The following NF2 variants were observed in gnomAD, a reference collection of about 807,000 sequenced individuals.
NF2 encodes merlin.
NF2 carries 8 observed loss-of-function variants against 83.7 expected under a neutral mutation model. That is an observed-to-expected ratio of 0.10 (90% CI 0.06 to 0.17). The LOEUF is 0.17. NF2 is among the 10% of genes least tolerant of loss of function. The probability of loss-of-function intolerance (pLI) is 1.00; values close to 1 mark genes in which losing one functional copy is unlikely to be tolerated. For synonymous variants in NF2, 266 were observed against 269.6 expected, an observed-to-expected ratio of 0.99 and a Z score of 0.13; for missense variants, 533 against 744.4, an observed-to-expected ratio of 0.72 and a Z score of 3.31.
chr22:29,659,426 G>T (rs1393317984), intron 7 of NF2, among the ~76,000 whole-genome samples: 1 of 152,170 alleles, frequency 6.6e-6, no homozygotes, highest in Admixed American at 6.5e-5. Flanking sequence ...TTCCACCCCA[G>T]CCTTCCAAGT....
At chr22:29,681,647 T>C in intron 15 of NF2, 46 bp downstream of exon 15, 1 of 1,610,594 alleles carries the variant, frequency 6.2e-7, no homozygotes, top group South Asian at 1.1e-5. Context: ...GGACCATCAT[T>C]AATGAAATGT....
Position 29,654,641 on chromosome 22 carries a change from C to A in NF2, c.448-16C>A, listed in dbSNP as rs947197160. On this transcript the variant is annotated splice_polypyrimidine_tract_variant and intron_variant, in intron 4 of 15. Coordinates refer to ENST00000338641, the MANE Select transcript of NF2 (RefSeq NM_000268.4). Reference sequence around the variant, plus strand: ...TTTAGAATCTCAATCGCCTGCTCTCCCTTTCTTCTTTCCAGTATGGTGACT... The same window carrying A: ...TTTAGAATCTCAATCGCCTGCTCTCACTTTCTTCTTTCCAGTATGGTGACT... 1 of 1,612,698 alleles carries A rather than the reference C, an allele frequency of 6.2e-7. No homozygotes were observed.
intron 1 of NF2, among the ~76,000 whole-genome samples, chr22:29,631,430 AT>A (rs1328505217): frequency 6.6e-6 from 1 of 152,180 alleles, no homozygotes; most frequent in African/African-American, 2.4e-5. Context: ...ACCAGGTTGC[AT>A]TTTTGTGATC....
chr22:29,682,914 C>A, intron 15 of NF2: 3 of 1,329,154 alleles, frequency 2.3e-6, no homozygotes, highest in African/African-American at 1.4e-5. Flanking sequence ...CAAAATCACT[C>A]ATCACGATTT....
At chr22:29,625,740 T>C (rs1347700822) in intron 1 of NF2, among the ~76,000 whole-genome samples, 1 of 152,266 alleles carries the variant, frequency 6.6e-6, no homozygotes, top group Non-Finnish European at 1.5e-5. Flanking sequence ...CTTGTCCTAG[T>C]GCAGGAATCT....
chr22:29,641,050 T>G (rs761882646), intron 3 of NF2, among the ~76,000 whole-genome samples: 12 of 152,192 alleles, frequency 7.9e-5, no homozygotes, highest in Non-Finnish European at 1.6e-4. Context: ...GGGGAATCAC[T>G]TGAACCCGGG....
intron 1 of NF2, among the ~76,000 whole-genome samples, chr22:29,625,684 A>G (rs2065348497): frequency 6.6e-6 from 1 of 152,244 alleles, no homozygotes; most frequent in South Asian, 2.1e-4. Flanking sequence ...GACTTCAGGG[A>G]AAAATTTTTA....
chr22:29,655,783 C>T (rs1462413406), intron 6 of NF2, 107 bp downstream of exon 6: 1 of 889,950 alleles, frequency 1.1e-6, no homozygotes, highest in East Asian at 2.5e-5. Flanking sequence ...AAATGCAGTA[C>T]TGAAGTCTAT....
At chr22:29,678,607 A>G (rs1359358309) in intron 14 of NF2, among the ~76,000 whole-genome samples, 1 of 152,226 alleles carries the variant, frequency 6.6e-6, no homozygotes, top group Admixed American at 6.5e-5. Context: ...AGCCTCACCT[A>G]AAGTGTAGGA....
intron 15 of NF2, chr22:29,683,184 G>A: frequency 6.2e-7 from 1 of 1,611,052 alleles, no homozygotes; most frequent in African/African-American, 1.3e-5. Flanking sequence ...AGGGCAGGTG[G>A]TGCCTGGGTA....
chr22:29,635,764 A>G lies in NF2; in HGVS notation c.115-987A>G, dbSNP rs146746468. Among the ~76,000 whole-genome samples, 29 of 152,290 alleles carry G rather than the reference A, an allele frequency of 1.9e-4. No homozygotes were observed. The East Asian group carries it at 5.6e-3, about 29-fold the overall frequency. On this transcript the variant is annotated intron_variant, in intron 1 of 15. Transcript: ENST00000338641. ...GGTCTCATTTTTCCCATGTCTGTCG[A>G]AAGATTACTCTTTCATGACCACCAT...
chr22:29,654,771 G>C lies in NF2; in HGVS notation c.516+46G>C, dbSNP rs745823791. On this transcript the variant is annotated intron_variant, in intron 5 of 15. Coordinates refer to ENST00000338641, the MANE Select transcript of NF2 (RefSeq NM_000268.4). The stretch of plus-strand genomic sequence containing the variant: ...TTCAGGAAGACATAGCAGATATGTG[G>C]TCTAAAAGAAAGCTAACCAAAGGAC... The C allele has an allele frequency of 4.1e-6, 6 of 1,448,978 alleles. No homozygotes were observed. The African/African-American group carries it at 5.6e-5, about 13-fold the overall frequency. 89.8% of individuals were successfully genotyped at this position (1,448,978 alleles called of 1,614,324 possible).
At chr22:29,619,774 G>A (rs1460860813) in intron 1 of NF2, among the ~76,000 whole-genome samples, 1 of 152,138 alleles carries the variant, frequency 6.6e-6, no homozygotes, top group Non-Finnish European at 1.5e-5. Flanking sequence ...GGTGAGTGAT[G>A]AGTGCGTGCG....
chr22:29,608,536 G>A (rs2146687745), intron 1 of NF2, among the ~76,000 whole-genome samples: 1 of 151,960 alleles, frequency 6.6e-6, no homozygotes, highest in South Asian at 2.1e-4. Flanking sequence ...GGGCATGATG[G>A]CGGGTGCCTG....
intron 15 of NF2, among the ~76,000 whole-genome samples, chr22:29,691,082 A>G (rs1455043987): frequency 6.6e-6 from 1 of 152,202 alleles, no homozygotes; most frequent in Non-Finnish European, 1.5e-5. Flanking sequence ...CCCTGGTTGT[A>G]CACCCTGAGG....
rs2146856538 is a variant in NF2, at chr22:29,636,956, C to A, written c.240+80C>A. ...CCCTGAGCAGGCGCCTAGCTCATCACTGGGGCGCTGTAGCTGTATAGTAGA... is the reference window on the plus strand; with the variant it reads ...CCCTGAGCAGGCGCCTAGCTCATCAATGGGGCGCTGTAGCTGTATAGTAGA... On this transcript the variant is annotated intron_variant, in intron 2 of 15. Transcript: ENST00000338641. The surrounding 1 kb of genome is among the most constrained non-coding windows in gnomAD (Gnocchi z 4.4). The A allele has an allele frequency of 6.3e-7, 1 of 1,595,602 alleles. No individual in the cohort carries two copies. Among genetic ancestry groups the A allele is most frequent in the Non-Finnish European group, 8.6e-7 (1 of 1,164,950 alleles).
intron 4 of NF2, among the ~76,000 whole-genome samples, chr22:29,654,112 C>A (rs780031467): frequency 2.6e-5 from 4 of 152,078 alleles, no homozygotes; most frequent in Non-Finnish European, 5.9e-5. Flanking sequence ...ATCAATTAAC[C>A]TTTTACTCAC....
intron 13 of NF2, among the ~76,000 whole-genome samples, chr22:29,675,814 G>GAC (rs3838153): frequency 0.3 from 45,960 of 151,904 alleles, 7,308 homozygotes; most frequent in Non-Finnish European, 0.36. Context: ...ACACAGCACG[G>GAC]ACACACACGC....
chr22:29,659,907 G>A (rs919964727), intron 7 of NF2, among the ~76,000 whole-genome samples: 1 of 152,184 alleles, frequency 6.6e-6, no homozygotes, highest in African/African-American at 2.4e-5. Flanking sequence ...TTTGGTGATA[G>A]CACCTGACTT....
Sources: gnomAD v4.1 joint callset for allele counts (sites outside exome capture counted in the v4.1 genomes callset) on GRCh38, gnomAD v4.1.1 for gene constraint, Gnocchi (gnomAD v3.1) non-coding constraint, MANE v1.5 for transcripts, NCBI Gene and HGNC (gene_info 2026-07-23, HGNC 2026-07-21) for gene names.